The following PLCE1 variants were observed in gnomAD, a reference collection of about 807,000 sequenced individuals.
PLCE1 encodes the protein phospholipase C epsilon 1.
PLCE1 carries 119 observed loss-of-function variants against 242.8 expected under a neutral mutation model. That is an observed-to-expected ratio of 0.49 (90% CI 0.42 to 0.57). The LOEUF (loss-of-function observed/expected upper bound fraction) is 0.57. Ranked by LOEUF, PLCE1 falls within the 20% of genes least tolerant of loss-of-function variation. The pLI is 0.00. For synonymous variants in PLCE1, 945 were observed against 1,017.4 expected, an observed-to-expected ratio of 0.93 and a Z score of 1.35; for missense variants, 2,441 against 2,788.8, an observed-to-expected ratio of 0.88 and a Z score of 2.81.
At position 94,254,313 on chromosome 10, in the gene PLCE1, G is replaced by A; in HGVS notation, c.3397+6G>A. On this transcript the variant is annotated splice_donor_region_variant and intron_variant, in intron 10 of 32. Transcript: ENST00000371380. ...TAATGAACAAGAAGAATCAGGTAAA[G>A]CGGCATGTTTACATCTGAGATTTTT... is the stretch of plus-strand genomic sequence containing the variant. 1 of 1,578,326 alleles carries A rather than the reference G, an allele frequency of 6.3e-7. No homozygotes were observed. The highest frequency in any genetic ancestry group is 1.1e-5 in the South Asian group (1 of 90,386).
chr10:94,102,560 C>G (rs992373443), intron 2 of PLCE1, among the ~76,000 whole-genome samples: 1 of 152,188 alleles, frequency 6.6e-6, no homozygotes, highest in Non-Finnish European at 1.5e-5. Flanking sequence ...TTGGCTTTGC[C>G]CATTGCTAGG....
At chr10:94,262,371 G>C in intron 13 of PLCE1, 123 bp from the exon 14 acceptor site, 1 of 781,576 alleles carries the variant, frequency 1.3e-6, no homozygotes, top group Non-Finnish European at 2.3e-6. Flanking sequence ...TTCTTTGATG[G>C]CTTGTTTAGG....
In PLCE1 at chr10:94,039,815, T is replaced by A. The variant is rs78096751; in HGVS notation, c.1206+7563T>A. Among the ~76,000 whole-genome samples the A allele has an allele frequency of 5.8e-3, 884 of 152,330 alleles. 9 individuals are homozygous for A. Among genetic ancestry groups the A allele is most frequent in the Middle Eastern group, 6.8e-3 (2 of 294 alleles). On this transcript the variant is annotated intron_variant, in intron 2 of 32. Coordinates refer to ENST00000371380, the MANE Select transcript of PLCE1 (RefSeq NM_016341.4). ...TGATGGCAAATGATGCTGAACATCT[T>A]TTCATGTGCTCTTAGCCATTTGTAT...
At chr10:94,018,911 G>A (rs765928489) in intron 1 of PLCE1, among the ~76,000 whole-genome samples, 2 of 152,134 alleles carry the variant, frequency 1.3e-5, no homozygotes, top group African/African-American at 2.4e-5. Context: ...ACACAAAACA[G>A]TAAGTGTACA....
At chr10:94,017,067 A>T (rs1425506703) in intron 1 of PLCE1, among the ~76,000 whole-genome samples, 1 of 152,072 alleles carries the variant, frequency 6.6e-6, no homozygotes, top group Admixed American at 6.6e-5. Flanking sequence ...TCCATCCCCC[A>T]CACCTGCATT....
chr10:94,222,430 C>G (rs2049785771), intron 4 of PLCE1, among the ~76,000 whole-genome samples: 1 of 152,198 alleles, frequency 6.6e-6, no homozygotes, highest in South Asian at 2.1e-4. Context: ...GTCACCGACA[C>G]TGCTGCTTAC....
chr10:94,332,505 C>CTGTGTGTGTGTGTGTGTGTGTGTG lies in PLCE1; in HGVS notation c.*4582_*4605dup, dbSNP rs10537252. 6.9e-6 allele frequency: 1 copy of CTGTGTGTGTGTGTGTGTGTGTGTG among 145,694 alleles called. No homozygotes were observed. The allele number at this position is 145,694 out of a possible 1,614,324, so 9.0% of individuals were successfully genotyped here. On this transcript the variant is annotated 3_prime_UTR_variant, in exon 33 of 33. Transcript: ENST00000371380. The stretch of plus-strand genomic sequence containing the variant: ...ATATAGCCTCAGGATATGTGTGTGC[C>CTGTGTGTGTGTGTGTGTGTGTGTG]TGTGTGTGTGTGTGTGTGTGTGTGT...
rs2054131889 is a variant in PLCE1, at chr10:94,329,629, T to A, written c.*1686T>A. On this transcript the variant is annotated 3_prime_UTR_variant, in exon 33 of 33. Transcript: ENST00000371380. ...CCAATCTCTACTAAAAGTACAAAAA[T>A]TAGCTGAGCGTGGTGGCACGTGCCT... 1 of 151,882 alleles carries A rather than the reference T, an allele frequency of 6.6e-6. No individual in the cohort carries two copies. The highest frequency in any genetic ancestry group is 1.5e-5 in the Non-Finnish European group (1 of 68,054). 9.4% of individuals were successfully genotyped at this position (151,882 alleles called of 1,614,324 possible).
intron 4 of PLCE1, among the ~76,000 whole-genome samples, chr10:94,172,955 A>G (rs546343528): frequency 1.3e-5 from 2 of 152,382 alleles, no homozygotes; most frequent in East Asian, 1.9e-4. Flanking sequence ...AACGAGTGTT[A>G]GAGGCTGAGC....
chr10:94,068,381 G>A (rs376621695), intron 2 of PLCE1, among the ~76,000 whole-genome samples: 3 of 145,546 alleles, frequency 2.1e-5, no homozygotes, highest in East Asian at 4.0e-4. Context: ...GAAAATATTC[G>A]GGGGAAAAAT....
chr10:94,020,611 C>A (rs555263829), intron 1 of PLCE1, among the ~76,000 whole-genome samples: 3 of 151,698 alleles, frequency 2.0e-5, no homozygotes, highest in Non-Finnish European at 4.4e-5. Context: ...TTTTATGTGT[C>A]GGACTATTAT....
intron 2 of PLCE1, among the ~76,000 whole-genome samples, chr10:94,066,292 C>T (rs2044194071): frequency 1.3e-5 from 2 of 152,100 alleles, no homozygotes; most frequent in African/African-American, 2.4e-5. Flanking sequence ...TTGTTCTGTC[C>T]CTTGCATCAG....
intron 20 of PLCE1, 42 bp downstream of exon 20, chr10:94,279,953 T>C (rs78085836): frequency 0.021 from 33,654 of 1,604,450 alleles, 460 homozygotes; most frequent in Middle Eastern, 0.039. Flanking sequence ...GGAAAATTCT[T>C]GGATGATTTG....
chr10:94,012,871 T>C (rs747354383), intron 1 of PLCE1, among the ~76,000 whole-genome samples: 2 of 152,238 alleles, frequency 1.3e-5, no homozygotes, highest in Admixed American at 6.5e-5. Flanking sequence ...CTATCCTTTA[T>C]ATTTTAAATT....
intron 8 of PLCE1, among the ~76,000 whole-genome samples, chr10:94,250,053 A>G (rs2050820540): frequency 6.8e-6 from 1 of 148,126 alleles, no homozygotes; most frequent in Non-Finnish European, 1.5e-5. Flanking sequence ...TAAGGAATCT[A>G]TTTTCTAATC....
chr10:94,031,759 T>A lies in PLCE1; in HGVS notation c.713T>A (p.Met238Lys). 2 of 1,613,770 alleles carry A rather than the reference T, an allele frequency of 1.2e-6. No homozygotes were observed. Among genetic ancestry groups the A allele is most frequent in the Non-Finnish European group, 1.7e-6 (2 of 1,179,864 alleles). The stretch of plus-strand genomic sequence containing the variant: ...TATGTGGCATATACCTGTAAACTGA[T>A]GGAATTGGCCAAAAATTGTGATAAT... ...KNYVAYTCKL[M>K]ELAKNCDNKN... The change falls in exon 2 of 33, where the codon ATG becomes AAG. Residue 238 changes from methionine (M) to lysine (K), a missense_variant. This residue lies in a region of PLCE1 where 393 missense variants were observed against 378.5 expected (regional missense o/e 1.04). Transcript: ENST00000371380.
chr10:94,235,263 G>A (rs993370152), intron 6 of PLCE1, among the ~76,000 whole-genome samples: 6 of 152,078 alleles, frequency 3.9e-5, no homozygotes, highest in Non-Finnish European at 7.3e-5. Flanking sequence ...TATGAGCTAG[G>A]ATAAAAGGGC....
At position 94,200,734 on chromosome 10, in the gene PLCE1, C is replaced by G. The variant is rs2048963461; in HGVS notation, c.1810-26572C>G. On this transcript the variant is annotated intron_variant, in intron 4 of 32. Transcript: ENST00000371380. ...GAAAGCTGAGAAATATGACCTCAGC[C>G]AGGTGATCAAGGTCAACATCAACAG... Among the ~76,000 whole-genome samples the G allele has an allele frequency of 2.0e-5, 3 of 152,204 alleles. No individual in the cohort carries two copies. In the South Asian group the frequency reaches 6.2e-4, roughly 32 times the overall value.
chr10:94,018,826 A>C (rs931626249), intron 1 of PLCE1, among the ~76,000 whole-genome samples: 1 of 152,206 alleles, frequency 6.6e-6, no homozygotes, highest in Non-Finnish European at 1.5e-5. Context: ...ACTTGTAGAA[A>C]TGTTAAGAAT....
Sources: gnomAD v4.1 joint callset for allele counts (sites outside exome capture counted in the v4.1 genomes callset) on GRCh38, gnomAD v4.1.1 for gene constraint, gnomAD v4.1.1 regional missense constraint, MANE v1.5 for transcripts, NCBI Gene and HGNC (gene_info 2026-07-23, HGNC 2026-07-21) for gene names.